FLOT2: variants seen among roughly 807,000 people sequenced by gnomAD.
The protein encoded by FLOT2 is flotillin-2.
In FLOT2, 35 loss-of-function variants were observed where a neutral mutation model predicts 54.9. The observed-to-expected ratio is 0.64, with a 90% CI of 0.49 to 0.84. The LOEUF is 0.84. Among genes scored for constraint, FLOT2 ranks in the 40% least tolerant of loss-of-function variants. The pLI is 0.00. For missense variants in FLOT2, 464 were observed against 572.1 expected, an observed-to-expected ratio of 0.81 and a Z score of 1.93; for synonymous variants, 207 against 228.9, an observed-to-expected ratio of 0.90 and a Z score of 0.86.
chr17:28,894,146 A>G (rs1326279498), intron 1 of FLOT2, among the ~76,000 whole-genome samples: 1 of 152,188 alleles, frequency 6.6e-6, no homozygotes, highest in Non-Finnish European at 1.5e-5. Flanking sequence ...CTGGGATTAC[A>G]AGTGTGAGCC....
At position 28,882,803 on chromosome 17, in the gene FLOT2, G is replaced by A. The variant is rs577308271; in HGVS notation, c.347-112C>T. 7.4e-4 allele frequency: 546 copies of A among 738,484 alleles called. 9 individuals carry two copies. The South Asian group carries it at 8.5e-3, about 12-fold the overall frequency. 45.7% of individuals were successfully genotyped at this position (738,484 alleles called of 1,614,324 possible). On this transcript the variant is annotated intron_variant, in intron 4 of 10. Coordinates refer to ENST00000394908, the MANE Select transcript of FLOT2 (RefSeq NM_004475.3). This position sits in a 1 kb window ranked among gnomAD's most constrained non-coding sequence, Gnocchi z 5.6. ...ATGCGGGGTGCTGCACTCTGAGCTGGGTCTTCCTGGGGTATCTTCTCAACA... is the reference window on the plus strand; with the variant it reads ...ATGCGGGGTGCTGCACTCTGAGCTGAGTCTTCCTGGGGTATCTTCTCAACA...
At position 28,884,105 on chromosome 17, in the gene FLOT2, C is replaced by A. The variant is rs978190570; in HGVS notation, c.222+120G>T. On this transcript the variant is annotated intron_variant, in intron 3 of 10. Transcript: ENST00000394908. This position sits in a 1 kb window ranked among gnomAD's most constrained non-coding sequence, Gnocchi z 5.1. ...GACTAGCCCTCTCTTGTGGGACTTG[C>A]GGGGGCTGGGGTGCTGGAGAGAGAC... 2 of 777,738 alleles carry A rather than the reference C, an allele frequency of 2.6e-6. No individual in the cohort carries two copies. The highest frequency in any genetic ancestry group is 1.9e-5 in the Admixed American group (1 of 51,720). The allele number at this position is 777,738 out of a possible 1,614,324, so 48.2% of individuals were successfully genotyped here.
chr17:28,880,471 G>A lies in FLOT2; in HGVS notation c.*90C>T, dbSNP rs904436136. The A allele has an allele frequency of 5.1e-6, 8 of 1,554,426 alleles. No homozygotes were observed. Among genetic ancestry groups the A allele is most frequent in the Non-Finnish European group, 7.0e-6 (8 of 1,149,764 alleles). ...GGTCCCTTCGAGATAAGGCACCAGAGTCAGTAACGTTCCCGTTGTTCTGTG... is the reference window on the plus strand; with the variant it reads ...GGTCCCTTCGAGATAAGGCACCAGAATCAGTAACGTTCCCGTTGTTCTGTG... On this transcript the variant is annotated 3_prime_UTR_variant, in exon 11 of 11. Coordinates refer to ENST00000394908, the MANE Select transcript of FLOT2 (RefSeq NM_004475.3).
At position 28,883,298 on chromosome 17, in the gene FLOT2, G is replaced by A; in HGVS notation, c.223-67C>T. On this transcript the variant is annotated intron_variant, in intron 3 of 10. Transcript: ENST00000394908. This position sits in a 1 kb window ranked among gnomAD's most constrained non-coding sequence, Gnocchi z 5.0. ...GGCAGACAAAGGCCCCAGACCCAGA[G>A]GTAGGCAGGATGGTGGCTGTGCCTC... 6.2e-7 allele frequency: 1 copy of A among 1,600,112 alleles called. No individual in the cohort carries two copies. Among genetic ancestry groups the A allele is most frequent in the Non-Finnish European group, 8.5e-7 (1 of 1,172,022 alleles).
At chr17:28,885,706 A>G (rs533073126) in intron 2 of FLOT2, 3 of 720,900 alleles carry the variant, frequency 4.2e-6, no homozygotes, top group Admixed American at 4.0e-5. Context: ...ACAGGGATCC[A>G]TCCTGGCACC....
chr17:28,881,106 G>T, intron 9 of FLOT2, 86 bp downstream of exon 9: 1 of 1,291,284 alleles, frequency 7.7e-7, no homozygotes, highest in Non-Finnish European at 1.1e-6. Context: ...TGTGTTACTC[G>T]CAAGGCCCAG....
intron 1 of FLOT2, among the ~76,000 whole-genome samples, chr17:28,889,437 C>T (rs1470678026): frequency 1.3e-5 from 2 of 151,650 alleles, no homozygotes; most frequent in African/African-American, 4.9e-5. Context: ...TCAAGTGGTT[C>T]TCCTGCCTCA....
Position 28,881,239 on chromosome 17 carries a change from A to G in FLOT2, c.1051T>C (p.Tyr351His). The change falls in exon 9 of 11, where the codon TAC (tyrosine) becomes CAC (histidine). Residue 351 changes from tyrosine (Y) to histidine (H), a missense_variant. Physicochemically the swap from Tyr to His is moderately conservative, Grantham distance 83. Coordinates refer to ENST00000394908, the MANE Select transcript of FLOT2 (RefSeq NM_004475.3). ...MKLKAEAYQK[Y>H]GDAAKMALVL... is the part of the protein sequence containing the mutation. ...AAGGCCATCTTGGCTGCATCCCCGT[A>G]TTTCTGGTAGGCTTCTGCCTTGAGC... 17 of 1,614,136 alleles carry G rather than the reference A, an allele frequency of 1.1e-5. No homozygotes were observed. Among genetic ancestry groups the G allele is most frequent in the Non-Finnish European group, 1.4e-5 (17 of 1,180,016 alleles).
chr17:28,897,476 C>G lies in FLOT2; in HGVS notation c.49+50G>C. On this transcript the variant is annotated intron_variant, in intron 1 of 10. Transcript: ENST00000394908. The surrounding 1 kb of genome is among the most constrained non-coding windows in gnomAD (Gnocchi z 4.4). Reference sequence around the variant, plus strand: ...TCCCCGTGCACTCCCCAGCCCTGCACCCACCCCGAGCACCCTCCACAGCTC... The same window carrying G: ...TCCCCGTGCACTCCCCAGCCCTGCAGCCACCCCGAGCACCCTCCACAGCTC... The G allele has an allele frequency of 5.8e-6, 9 of 1,549,020 alleles. No homozygotes were observed. The highest frequency in any genetic ancestry group is 7.9e-6 in the Non-Finnish European group (9 of 1,138,280).
Position 28,897,365 on chromosome 17 carries a change from G to C in FLOT2, c.49+161C>G. 6.5e-6 allele frequency: 4 copies of C among 615,578 alleles called. No homozygotes were observed. The highest frequency in any genetic ancestry group is 3.5e-5 in the East Asian group (1 of 28,788). The allele number at this position is 615,578 out of a possible 1,614,324, so 38.1% of individuals were successfully genotyped here. A position where few individuals can be genotyped will look rare whatever the true frequency, so the allele number is the denominator to read the frequency against. ...CGAGGGTGCGCAGCAAGGAAAGCGT[G>C]AGCACGAGATCTCTCTTGGAAGGGG... On this transcript the variant is annotated intron_variant, in intron 1 of 10. Transcript: ENST00000394908. The surrounding 1 kb of genome is among the most constrained non-coding windows in gnomAD (Gnocchi z 4.4).
Position 28,892,257 on chromosome 17 carries a change from G to C in FLOT2, c.50-3231C>G, listed in dbSNP as rs1376608483. On this transcript the variant is annotated intron_variant, in intron 1 of 10. Transcript: ENST00000394908. Reference sequence around the variant, plus strand: ...GGGGGCTGGGGCATGGCTGCCTTGGGCTAGCCCCATGGGACTTCTCAATGT... The same window carrying C: ...GGGGGCTGGGGCATGGCTGCCTTGGCCTAGCCCCATGGGACTTCTCAATGT... Among the ~76,000 whole-genome samples, 5 of 151,046 alleles carry C rather than the reference G, an allele frequency of 3.3e-5. No homozygotes were observed. The East Asian group carries it at 9.7e-4, about 29-fold the overall frequency.
At chr17:28,881,073 T>A in intron 9 of FLOT2, 119 bp downstream of exon 9, 1 of 1,079,812 alleles carries the variant, frequency 9.3e-7, no homozygotes, top group South Asian at 1.5e-5. Flanking sequence ...GCTCCTCATT[T>A]AACCCTTCTA....
In FLOT2 at chr17:28,888,981, C is replaced by A. The variant is rs1324435327; in HGVS notation, c.95G>T (p.Trp32Leu). Reference sequence around the variant, plus strand: ...GGAGATACACCACCAGGCCCAGGCCCAGCCGCCAAACACGTACTGTTTATA... The same window carrying A: ...GGAGATACACCACCAGGCCCAGGCCAAGCCGCCAAACACGTACTGTTTATA... ...SDYKQYVFGG[W>L]AWAWWCISDT... The change falls in exon 2 of 11, where the codon TGG (tryptophan) becomes TTG (leucine). Residue 32 changes from tryptophan to leucine, a missense_variant. Coordinates refer to ENST00000394908, the MANE Select transcript of FLOT2 (RefSeq NM_004475.3). The A allele has an allele frequency of 6.2e-7, 1 of 1,614,216 alleles. No homozygotes were observed. The highest frequency in any genetic ancestry group is 8.5e-7 in the Non-Finnish European group (1 of 1,180,038).
intron 2 of FLOT2, 115 bp downstream of exon 2, chr17:28,888,830 G>T: frequency 9.8e-6 from 6 of 611,738 alleles, no homozygotes; most frequent in South Asian, 8.3e-5. Flanking sequence ...CGCCAGAATG[G>T]AATGTGGAAA....
At chr17:28,886,064 G>GT (rs1295946178) in intron 2 of FLOT2, 1 of 601,560 alleles carries the variant, frequency 1.7e-6, no homozygotes, top group Non-Finnish European at 3.1e-6. Context: ...GGGGCGGGGG[G>GT]GGGCATGCTG....
chr17:28,884,873 G>A lies in FLOT2; in HGVS notation c.132-558C>T, dbSNP rs1268116336. 6.6e-6 allele frequency among the ~76,000 whole-genome samples: 1 copy of A among 152,206 alleles called. No homozygotes were observed. The highest frequency in any genetic ancestry group is 1.5e-5 in the Non-Finnish European group (1 of 68,032). On this transcript the variant is annotated intron_variant, in intron 2 of 10. Coordinates refer to ENST00000394908, the MANE Select transcript of FLOT2 (RefSeq NM_004475.3). The surrounding 1 kb of genome is among the most constrained non-coding windows in gnomAD (Gnocchi z 5.1). ...GATTCTGTACCTGCCCCTTGCCAGA[G>A]AAGCCCTACCTGGTGGCTGCAGCCT...
In FLOT2 at chr17:28,897,470, C is replaced by T; in HGVS notation, c.49+56G>A. 2 of 1,524,708 alleles carry T rather than the reference C, an allele frequency of 1.3e-6. No homozygotes were observed. The highest frequency in any genetic ancestry group is 1.8e-6 in the Non-Finnish European group (2 of 1,118,800). 94.4% of individuals were successfully genotyped at this position (1,524,708 alleles called of 1,614,324 possible). On this transcript the variant is annotated intron_variant, in intron 1 of 10. Transcript: ENST00000394908. The surrounding 1 kb of genome is among the most constrained non-coding windows in gnomAD (Gnocchi z 4.4). ...AGCTCTTCCCCGTGCACTCCCCAGC[C>T]CTGCACCCACCCCGAGCACCCTCCA...
At chr17:28,885,116 G>C (rs2039517937) in intron 2 of FLOT2, among the ~76,000 whole-genome samples, 2 of 152,202 alleles carry the variant, frequency 1.3e-5, no homozygotes, top group Admixed American at 6.5e-5. Flanking sequence ...GAAGGAGAGA[G>C]GACTGCATCA....
Position 28,897,401 on chromosome 17 carries a change from G to T in FLOT2, c.49+125C>A. The stretch of plus-strand genomic sequence containing the variant: ...CTCTCTTGGAAGGGGCCTCAGGTGC[G>T]GCCCGGGGGCCAGCGCCCTGCGCCG... On this transcript the variant is annotated intron_variant, in intron 1 of 10. Transcript: ENST00000394908. The surrounding 1 kb of genome is among the most constrained non-coding windows in gnomAD (Gnocchi z 4.4). 2 of 883,542 alleles carry T rather than the reference G, an allele frequency of 2.3e-6. No individual in the cohort carries two copies. The highest frequency in any genetic ancestry group is 3.4e-6 in the Non-Finnish European group (2 of 596,346). The allele number at this position is 883,542 out of a possible 1,614,324, so 54.7% of individuals were successfully genotyped here.
Sources: gnomAD v4.1 joint callset for allele counts (sites outside exome capture counted in the v4.1 genomes callset) on GRCh38, gnomAD v4.1.1 for gene constraint, Gnocchi (gnomAD v3.1) non-coding constraint, MANE v1.5 for transcripts, NCBI Gene and HGNC (gene_info 2026-07-23, HGNC 2026-07-21) for gene names.